THRB: variants seen among roughly 807,000 people sequenced by gnomAD.
THRB encodes the protein thyroid hormone receptor beta, also known as nuclear receptor subfamily 1 group A member 2.
Under a neutral mutation model 47.8 loss-of-function variants are expected in THRB, and 12 were observed. That is an observed-to-expected ratio of 0.25 (90% CI 0.16 to 0.41). The LOEUF (loss-of-function observed/expected upper bound fraction) is 0.41, where lower values mean the gene tolerates loss of function less well. Ranked by LOEUF, THRB falls within the 10% of genes least tolerant of loss-of-function variation. The probability of loss-of-function intolerance (pLI) is 1.00; values close to 1 mark genes in which losing one functional copy is unlikely to be tolerated. For missense variants in THRB, 348 were observed against 589.2 expected (o/e 0.59, Z 4.24); for synonymous variants, 218 against 212.2 (o/e 1.03, Z -0.24).
chr3:24,315,003 C>A (rs539409920), intron 2 of THRB, among the ~76,000 whole-genome samples: 1 of 152,170 alleles, frequency 6.6e-6, no homozygotes, highest in Non-Finnish European at 1.5e-5. Context: ...TCCCTGCCCC[C>A]GACGGAAAAG....
chr3:24,181,404 A>G (rs753588454), intron 5 of THRB, among the ~76,000 whole-genome samples: 1 of 152,254 alleles, frequency 6.6e-6, no homozygotes, highest in Non-Finnish European at 1.5e-5. Context: ...GCCAAGAACC[A>G]ATGGTCATCT....
At chr3:24,134,754 A>C (rs539949832) in intron 8 of THRB, among the ~76,000 whole-genome samples, 1 of 152,274 alleles carries the variant, frequency 6.6e-6, no homozygotes, top group Non-Finnish European at 1.5e-5. Flanking sequence ...TCACAGACTC[A>C]AGCCCTACCC....
intron 1 of THRB, among the ~76,000 whole-genome samples, chr3:24,382,982 C>T (rs1027893324): frequency 1.8e-4 from 27 of 152,102 alleles, no homozygotes; most frequent in African/African-American, 4.6e-4. Context: ...TGCCTCTATC[C>T]GGAACATTCC....
intron 3 of THRB, among the ~76,000 whole-genome samples, chr3:24,246,926 CT>C (rs1335141520): frequency 5.3e-5 from 8 of 152,264 alleles, no homozygotes; most frequent in African/African-American, 1.9e-4. Context: ...AACTATTTCA[CT>C]TTTCAGAAAA....
At chr3:24,173,144 G>T (rs73037609) in intron 5 of THRB, among the ~76,000 whole-genome samples, 1 of 152,108 alleles carries the variant, frequency 6.6e-6, no homozygotes, top group Non-Finnish European at 1.5e-5. Context: ...TAAACTCTGG[G>T]GGGTGGGGAC....
intron 4 of THRB, among the ~76,000 whole-genome samples, chr3:24,200,388 G>T (rs189753854): frequency 1.4e-3 from 211 of 152,262 alleles, no homozygotes; most frequent in Non-Finnish European, 1.6e-3. Flanking sequence ...GGTATGATTT[G>T]TGGACAAAAA....
chr3:24,183,155 C>T (rs2042119427), intron 5 of THRB, among the ~76,000 whole-genome samples: 2 of 151,610 alleles, frequency 1.3e-5, no homozygotes, highest in Admixed American at 6.6e-5. Flanking sequence ...TTTTGTTTGG[C>T]GTCCCTTCAT....
rs139967249 is a variant in THRB, at chr3:24,343,496, G to A, written c.-260-6125C>T. Among the ~76,000 whole-genome samples the A allele has an allele frequency of 2.0e-5, 3 of 152,212 alleles. No homozygotes were observed. The East Asian group carries it at 5.8e-4, about 29-fold the overall frequency. On this transcript the variant is annotated intron_variant, in intron 1 of 10. Transcript: ENST00000646209. ...CAAGAGTACTGAAAGGCTTAACTAT[G>A]GGCAACATCCATCTGTTATTCTTTT...
At chr3:24,350,946 T>C (rs934237221) in intron 1 of THRB, among the ~76,000 whole-genome samples, 4 of 152,106 alleles carry the variant, frequency 2.6e-5, no homozygotes, top group Non-Finnish European at 5.9e-5. Context: ...ATTTCAGACA[T>C]AACATGGTGC....
chr3:24,314,097 A>G (rs1291445346), intron 2 of THRB, among the ~76,000 whole-genome samples: 1 of 152,172 alleles, frequency 6.6e-6, no homozygotes, highest in Non-Finnish European at 1.5e-5. Context: ...CGTTTTATAC[A>G]CCTGCTGTCA....
intron 1 of THRB, among the ~76,000 whole-genome samples, chr3:24,487,542 G>A (rs1697493008): frequency 6.6e-6 from 1 of 152,062 alleles, no homozygotes; most frequent in African/African-American, 2.4e-5. Context: ...AGTAAAAGAA[G>A]CAAAAAGTAA....
intron 1 of THRB, among the ~76,000 whole-genome samples, chr3:24,490,063 C>T (rs1476551033): frequency 6.6e-6 from 1 of 152,092 alleles, no homozygotes; most frequent in African/African-American, 2.4e-5. Flanking sequence ...ATGAGAGACT[C>T]CAACAGGTAT....
intron 1 of THRB, among the ~76,000 whole-genome samples, chr3:24,441,832 C>T (rs564632011): frequency 2.0e-5 from 3 of 152,160 alleles, no homozygotes; most frequent in African/African-American, 7.2e-5. Flanking sequence ...CTCTAGTCTC[C>T]CCATCCAAAA....
At chr3:24,259,676 C>G (rs1195844715) in intron 3 of THRB, among the ~76,000 whole-genome samples, 1 of 128,382 alleles carries the variant, frequency 7.8e-6, no homozygotes, top group African/African-American at 2.9e-5. Context: ...AAAGTTATTT[C>G]CCATATCAGA....
intron 4 of THRB, among the ~76,000 whole-genome samples, chr3:24,206,084 C>T (rs944614160): frequency 5.3e-5 from 8 of 152,192 alleles, no homozygotes; most frequent in African/African-American, 1.9e-4. Context: ...CAACATTAGA[C>T]AGATCAACGA....
intron 3 of THRB, among the ~76,000 whole-genome samples, chr3:24,232,998 T>A (rs935547399): frequency 3.9e-5 from 6 of 152,154 alleles, no homozygotes; most frequent in Non-Finnish European, 7.3e-5. Context: ...CAAGGGGTGG[T>A]GCTGAGAATC....
chr3:24,224,112 A>G (rs907922213), intron 4 of THRB, among the ~76,000 whole-genome samples: 4 of 152,210 alleles, frequency 2.6e-5, no homozygotes, highest in African/African-American at 9.6e-5. Flanking sequence ...TGAAAACAGA[A>G]AAAGTTTTTA....
At chr3:24,130,872 T>C (rs2033750427) in intron 9 of THRB, among the ~76,000 whole-genome samples, 1 of 152,180 alleles carries the variant, frequency 6.6e-6, no homozygotes, top group South Asian at 2.1e-4. Flanking sequence ...AAATGAACTA[T>C]AGATCCAGTA....
chr3:24,189,103 T>C (rs1480309935), intron 5 of THRB, among the ~76,000 whole-genome samples: 2 of 151,974 alleles, frequency 1.3e-5, no homozygotes, highest in African/African-American at 4.8e-5. Flanking sequence ...AGGATAAATA[T>C]AATCATGTGT....
Sources: allele counts gnomAD v4.1 joint callset (sites outside exome capture counted in the v4.1 genomes callset), GRCh38; gene constraint gnomAD v4.1.1; transcripts MANE v1.5; gene names NCBI Gene and HGNC (gene_info 2026-07-23, HGNC 2026-07-21).